The following MORC2 variants were observed in gnomAD, a reference collection of about 807,000 sequenced individuals.
MORC2 encodes MORC family CW-type zinc finger 2.
In MORC2, 30 loss-of-function variants were observed where a neutral mutation model predicts 136.0. The ratio of observed to expected loss-of-function variants is 0.22; its 90% CI spans 0.17 to 0.30. The LOEUF (loss-of-function observed/expected upper bound fraction) is 0.30, where lower values mean the gene tolerates loss of function less well. Among genes scored for constraint, MORC2 ranks in the 10% least tolerant of loss-of-function variants. MORC2 has a pLI of 1.00. For missense variants in MORC2, 922 were observed against 1,333.1 expected (o/e 0.69, Z 4.80); for synonymous variants, 439 against 487.0 (o/e 0.90, Z 1.30).
intron 1 of MORC2, among the ~76,000 whole-genome samples, chr22:30,963,628 T>G (rs1418634522): frequency 6.6e-6 from 1 of 151,648 alleles, no homozygotes; most frequent in Non-Finnish European, 1.5e-5. Context: ...TCAAGTGATC[T>G]GCCCACCTTG....
rs1400428370 is a variant in MORC2 at position 30,938,116 on chromosome 22, C to A, written c.1163G>T (p.Ser388Ile). The A allele has an allele frequency of 6.2e-7, 1 of 1,614,018 alleles. No homozygotes were observed. The highest frequency in any genetic ancestry group is 8.5e-7 in the Non-Finnish European group (1 of 1,180,036). The change falls in exon 13 of 26, where the codon AGC becomes ATC. Residue 388 changes from serine to isoleucine, a missense_variant. Ser to Ile is a moderately radical substitution (Grantham distance 142). Transcript: ENST00000397641. Reference protein sequence around the residue: ...DLDGMFIYNCSRLIKMYEKVG... With the variant: ...DLDGMFIYNCIRLIKMYEKVG... ...TTTCTCATACATTTTGATCAGTCGG[C>A]TACAGTTGTAGATGAACATGCCATC...
intron 1 of MORC2, among the ~76,000 whole-genome samples, chr22:30,961,823 T>A (rs1234380955): frequency 6.6e-6 from 1 of 152,194 alleles, no homozygotes; most frequent in Non-Finnish European, 1.5e-5. Flanking sequence ...TATTTTCCGA[T>A]AGCATCCCAC....
chr22:30,938,656 G>T (rs998492070), intron 12 of MORC2, among the ~76,000 whole-genome samples: 2 of 152,078 alleles, frequency 1.3e-5, no homozygotes, highest in African/African-American at 4.8e-5. Context: ...TGCAATCTCC[G>T]CACCCTGCAT....
chr22:30,967,656 T>A (rs2041149275), intron 1 of MORC2, 166 bp downstream of exon 1: 1 of 1,410,276 alleles, frequency 7.1e-7, no homozygotes, highest in African/African-American at 1.5e-5. Flanking sequence ...AGTATTTCAC[T>A]GATCTCAGTT....
chr22:30,940,390 C>T (rs1569194129), intron 10 of MORC2, among the ~76,000 whole-genome samples: 2 of 152,014 alleles, frequency 1.3e-5, no homozygotes, highest in Admixed American at 6.6e-5. Flanking sequence ...AACAAGCAGC[C>T]GAGAAACCCT....
intron 10 of MORC2, 33 bp downstream of exon 10, chr22:30,940,725 C>A (rs778302065): frequency 7.6e-6 from 12 of 1,583,762 alleles, no homozygotes; most frequent in African/African-American, 1.3e-5. Flanking sequence ...CAGATGCACA[C>A]CCCCCCAACT....
intron 17 of MORC2, among the ~76,000 whole-genome samples, chr22:30,935,852 A>T (rs957346976): frequency 6.6e-6 from 1 of 152,266 alleles, no homozygotes; most frequent in Non-Finnish European, 1.5e-5. Context: ...CACATGAAAA[A>T]TTATGCAATC....
chr22:30,967,114 A>G (rs555719288), intron 1 of MORC2: 7 of 985,422 alleles, frequency 7.1e-6, no homozygotes, highest in African/African-American at 1.7e-5. Flanking sequence ...TAAAGTTTTG[A>G]CGCTACTGGA....
At chr22:30,965,895 G>A (rs1453125010) in intron 1 of MORC2, among the ~76,000 whole-genome samples, 2 of 152,236 alleles carry the variant, frequency 1.3e-5, no homozygotes, top group African/African-American at 4.8e-5. Flanking sequence ...ACTGACTACA[G>A]TAGGCACTGC....
chr22:30,968,405 G>C lies in MORC2; in HGVS notation c.-516C>G, dbSNP rs1272542388. Reference sequence around the variant, plus strand: ...GGATTCTTAAACAGGCCCAAGACCGGAGACCAAGATGTCGACGGAGTGTTA... The same window carrying C: ...GGATTCTTAAACAGGCCCAAGACCGCAGACCAAGATGTCGACGGAGTGTTA... On this transcript the variant is annotated 5_prime_UTR_variant, in exon 1 of 26. Transcript: ENST00000397641. 1.3e-5 allele frequency: 2 copies of C among 153,474 alleles called. No individual in the cohort carries two copies. The highest frequency in any genetic ancestry group is 4.8e-5 in the African/African-American group (2 of 41,574). The allele number at this position is 153,474 out of a possible 1,614,324, so 9.5% of individuals were successfully genotyped here.
intron 24 of MORC2, among the ~76,000 whole-genome samples, chr22:30,931,398 A>C (rs2040574362): frequency 1.3e-5 from 2 of 152,226 alleles, no homozygotes; most frequent in South Asian, 4.1e-4. Context: ...GGCCCTCTAC[A>C]GAAAAAAATG....
At chr22:30,936,853 T>G (rs1241740818) in intron 16 of MORC2, 79 bp downstream of exon 16, 20 of 1,401,854 alleles carry the variant, frequency 1.4e-5, no homozygotes, top group East Asian at 4.6e-5. Context: ...ATGTAAGGTA[T>G]GTGCACTGAC....
chr22:30,958,794 T>C, intron 1 of MORC2, 100 bp from the exon 2 acceptor site: 2 of 1,065,710 alleles, frequency 1.9e-6, no homozygotes, highest in Non-Finnish European at 2.8e-6. Context: ...TTGAAAAAAA[T>C]CTTAAAACCA....
intron 3 of MORC2, among the ~76,000 whole-genome samples, chr22:30,951,909 G>A (rs1362186484): frequency 6.6e-6 from 1 of 151,678 alleles, no homozygotes; most frequent in Non-Finnish European, 1.5e-5. Context: ...AGGTTCAAGC[G>A]ATTCTCCTGC....
rs1049816749 is a variant in MORC2 at position 30,934,781 on chromosome 22, C to T, written c.2193G>A (p.Pro731=). 4.3e-6 allele frequency: 7 copies of T among 1,613,698 alleles called. No homozygotes were observed. Among genetic ancestry groups the T allele is most frequent in the East Asian group, 2.2e-5 (1 of 44,888 alleles). Residue 731 remains proline (P), a splice_region_variant and synonymous_variant, in exon 19 of 26, where the codon CCG becomes CCA. Coordinates refer to ENST00000397641, the MANE Select transcript of MORC2 (RefSeq NM_001303256.3). The surrounding 1 kb of genome is among the most constrained non-coding windows in gnomAD (Gnocchi z 4.4). ...KKTESPIKLS[P]ATPSRKRSVA... is the part of the protein sequence containing the mutation. ...GTATTAAAGAGGACAAGCGTCTCAC[C>T]GGGGAGAGTTTGATGGGTGACTCTG...
At chr22:30,967,557 C>T in intron 1 of MORC2, 2 of 1,277,500 alleles carry the variant, frequency 1.6e-6, no homozygotes, top group Non-Finnish European at 2.0e-6. Context: ...AATGAAACAA[C>T]TCAACATATT....
chr22:30,967,075 A>G (rs1332122145), intron 1 of MORC2: 2 of 982,154 alleles, frequency 2.0e-6, no homozygotes, highest in African/African-American at 1.7e-5. Context: ...CCTTCATCTC[A>G]AAAGTAACAG....
At chr22:30,957,196 C>T (rs1332067482) in intron 2 of MORC2, among the ~76,000 whole-genome samples, 2 of 152,100 alleles carry the variant, frequency 1.3e-5, no homozygotes, top group Non-Finnish European at 1.5e-5. Flanking sequence ...TTTTTCTTCT[C>T]GTCAATATTT....
In MORC2 at chr22:30,940,850, A is replaced by G; in HGVS notation, c.825-13T>C. On this transcript the variant is annotated splice_polypyrimidine_tract_variant and intron_variant, in intron 9 of 25. Coordinates refer to ENST00000397641, the MANE Select transcript of MORC2 (RefSeq NM_001303256.3). ...GTACTTGTACATCCTGATCAGTAGA[A>G]AAAGCAAGCTGATGGCCCACGCAGC... 2 of 1,613,034 alleles carry G rather than the reference A, an allele frequency of 1.2e-6. No individual in the cohort carries two copies. The highest frequency in any genetic ancestry group is 1.7e-6 in the Non-Finnish European group (2 of 1,179,040).
Sources: gnomAD v4.1 joint callset for allele counts (sites outside exome capture counted in the v4.1 genomes callset) on GRCh38, gnomAD v4.1.1 for gene constraint, Gnocchi (gnomAD v3.1) non-coding constraint, MANE v1.5 for transcripts, NCBI Gene and HGNC (gene_info 2026-07-23, HGNC 2026-07-21) for gene names.